NELL1: variants seen among roughly 807,000 people sequenced by gnomAD.
The protein encoded by NELL1 is protein kinase C-binding protein NELL1.
A neutral mutation model predicts 107.4 loss-of-function variants in NELL1; 76 were observed. That is an observed-to-expected ratio of 0.71 (90% CI 0.59 to 0.86). NELL1 has a LOEUF of 0.86. Ranked by LOEUF, NELL1 falls within the 40% of genes least tolerant of loss-of-function variation. The pLI, the probability that NELL1 is intolerant of heterozygous loss-of-function variation, is 0.00. For synonymous variants in NELL1, 353 were observed against 341.2 expected, an observed-to-expected ratio of 1.03 and a Z score of -0.38; for missense variants, 1,024 against 1,005.5, an observed-to-expected ratio of 1.02 and a Z score of -0.25.
intron 13 of NELL1, among the ~76,000 whole-genome samples, chr11:21,119,972 C>A (rs757154879): frequency 6.6e-6 from 1 of 151,976 alleles, no homozygotes; most frequent in African/African-American, 2.4e-5. Flanking sequence ...TTCACAGTAA[C>A]GGGTAGGCAT....
At chr11:20,909,287 C>T (rs910505997) in intron 5 of NELL1, among the ~76,000 whole-genome samples, 9 of 152,084 alleles carry the variant, frequency 5.9e-5, no homozygotes, top group African/African-American at 1.9e-4. Flanking sequence ...TTTAATGCCA[C>T]TGAATTGTGC....
At chr11:21,445,939 C>T (rs559900317) in intron 15 of NELL1, among the ~76,000 whole-genome samples, 23 of 151,786 alleles carry the variant, frequency 1.5e-4, no homozygotes, top group South Asian at 1.5e-3. Flanking sequence ...CATTCTACCC[C>T]TATTAATCTC....
chr11:20,732,268 A>G (rs72942746), intron 2 of NELL1, among the ~76,000 whole-genome samples: 18,175 of 151,914 alleles, frequency 0.12, 1,189 homozygotes, highest in Non-Finnish European at 0.15. Context: ...CTTATGCTTC[A>G]TGAATCTGAA....
intron 11 of NELL1, among the ~76,000 whole-genome samples, chr11:20,959,893 C>A (rs545539954): frequency 4.9e-4 from 75 of 152,106 alleles, no homozygotes; most frequent in Middle Eastern, 6.8e-3. Context: ...ATGGGCAAAG[C>A]TAAATGGTAT....
At chr11:21,502,124 T>A (rs538958080) in intron 15 of NELL1, among the ~76,000 whole-genome samples, 54 of 152,312 alleles carry the variant, frequency 3.5e-4, no homozygotes, top group Middle Eastern at 3.4e-3. Flanking sequence ...CTCTTGATAG[T>A]ATTATAAATA....
intron 13 of NELL1, among the ~76,000 whole-genome samples, chr11:21,222,504 G>T (rs1003877559): frequency 5.9e-5 from 9 of 151,780 alleles, no homozygotes; most frequent in Non-Finnish European, 1.2e-4. Context: ...CTGATCTTTT[G>T]TATTGTTTAA....
chr11:20,965,169 G>T (rs1325222188), intron 12 of NELL1, among the ~76,000 whole-genome samples: 2 of 152,086 alleles, frequency 1.3e-5, no homozygotes, highest in African/African-American at 4.8e-5. Flanking sequence ...AGTTTGCTCT[G>T]GCACTGCTGC....
chr11:20,677,952 C>A lies in NELL1; in HGVS notation c.76C>A (p.Pro26Thr). Residue 26 changes from proline (P) to threonine (T), a missense_variant, in exon 2 of 20, where the codon CCT (proline) becomes ACT (threonine). Physicochemically the swap from Pro to Thr is conservative, Grantham distance 38. Transcript: ENST00000357134. ...ARTVVGFGMD[P>T]DLQMDIVTEL... is the part of the protein sequence containing the mutation. ...TCCAGTGGTGGGCTTTGGGATGGAC[C>A]CTGACCTTCAGATGGATATCGTCAC... is the stretch of plus-strand genomic sequence containing the variant. 1 of 1,614,108 alleles carries A rather than the reference C, an allele frequency of 6.2e-7. No individual in the cohort carries two copies. Among genetic ancestry groups the A allele is most frequent in the African/African-American group, 1.3e-5 (1 of 75,016 alleles).
At chr11:21,222,764 T>C (rs61888069) in intron 13 of NELL1, among the ~76,000 whole-genome samples, 10,407 of 152,236 alleles carry the variant, frequency 0.068, 454 homozygotes, top group Non-Finnish European at 0.1. Context: ...TTTTATGATT[T>C]CCATCTTAAT....
chr11:20,700,699 C>T (rs111361351), intron 2 of NELL1, among the ~76,000 whole-genome samples: 5,328 of 152,036 alleles, frequency 0.035, 322 homozygotes, highest in African/African-American at 0.12. Context: ...TGATGTTCCC[C>T]ACCCTGTGTC....
At chr11:21,494,857 CTT>C (rs1389191341) in intron 15 of NELL1, among the ~76,000 whole-genome samples, 2 of 151,958 alleles carry the variant, frequency 1.3e-5, no homozygotes, top group East Asian at 3.9e-4. Context: ...TTCCTATTGA[CTT>C]TTCTCCCATC....
chr11:20,873,767 CT>C (rs34217570), intron 4 of NELL1, among the ~76,000 whole-genome samples: 3,132 of 135,648 alleles, frequency 0.023, 65 homozygotes, highest in African/African-American at 0.068. Flanking sequence ...GAATATTTGA[CT>C]TTTTTTTTTT....
At position 21,016,661 on chromosome 11, in the gene NELL1, C is replaced by CTA. The variant is rs1451750318; in HGVS notation, c.1300+56102_1300+56103insAT. Among the ~76,000 whole-genome samples the CTA allele has an allele frequency of 3.3e-5, 5 of 152,240 alleles. No individual in the cohort carries two copies. The East Asian group carries it at 9.7e-4, about 30-fold the overall frequency. ...AAACTCCTATGCTACATGCAGGTTA[C>CTA]TGCCACATGTCCTATCCTTGTTAAA... is the stretch of plus-strand genomic sequence containing the variant. On this transcript the variant is annotated intron_variant, in intron 12 of 19. Transcript: ENST00000357134.
chr11:20,732,217 A>G (rs890142642), intron 2 of NELL1, among the ~76,000 whole-genome samples: 1 of 152,104 alleles, frequency 6.6e-6, no homozygotes, highest in African/African-American at 2.4e-5. Flanking sequence ...TGAGACCTAG[A>G]TAGAACTTTG....
At chr11:21,240,519 T>G (rs1231672327) in intron 14 of NELL1, among the ~76,000 whole-genome samples, 3 of 151,998 alleles carry the variant, frequency 2.0e-5, no homozygotes, top group Admixed American at 2.0e-4. Flanking sequence ...TAAAACTAAT[T>G]ATCTCATCTA....
At chr11:21,574,563 G>A (rs1857178686) in intron 19 of NELL1, among the ~76,000 whole-genome samples, 1 of 151,818 alleles carries the variant, frequency 6.6e-6, no homozygotes, top group Admixed American at 6.6e-5. Context: ...TCTTGGACTT[G>A]CCTGAAGATT....
At chr11:21,139,508 T>C (rs1286752594) in intron 13 of NELL1, among the ~76,000 whole-genome samples, 1 of 152,180 alleles carries the variant, frequency 6.6e-6, no homozygotes, top group East Asian at 1.9e-4. Flanking sequence ...AACTTATCAC[T>C]ATCCACCACA....
At chr11:21,368,102 G>T (rs1342519143) in intron 14 of NELL1, among the ~76,000 whole-genome samples, 1 of 152,054 alleles carries the variant, frequency 6.6e-6, no homozygotes, top group Non-Finnish European at 1.5e-5. Flanking sequence ...TTTCCACAAA[G>T]TATTTTATGT....
intron 15 of NELL1, among the ~76,000 whole-genome samples, chr11:21,422,249 AATATACT>A (rs1268052015): frequency 6.6e-6 from 1 of 152,198 alleles, no homozygotes; most frequent in Non-Finnish European, 1.5e-5. Context: ...ATGAAATAAA[AATATACT>A]AGAATGTAAT....
Sources: gnomAD v4.1 joint callset for allele counts (sites outside exome capture counted in the v4.1 genomes callset) on GRCh38, gnomAD v4.1.1 for gene constraint, MANE v1.5 for transcripts, NCBI Gene and HGNC (gene_info 2026-07-23, HGNC 2026-07-21) for gene names.